The following MMD2 variants were observed in gnomAD, a reference collection of about 807,000 sequenced individuals.
The protein encoded by MMD2 is monocyte to macrophage differentiation associated 2, also known as monocyte to macrophage differentiation factor 2.
Under a neutral mutation model 33.5 loss-of-function variants are expected in MMD2, and 30 were observed. The observed-to-expected ratio is 0.90, with a 90% CI of 0.67 to 1.22. The LOEUF (loss-of-function observed/expected upper bound fraction) is 1.22, where lower values mean the gene tolerates loss of function less well. Ranked by LOEUF, MMD2 falls within the 50% of genes most tolerant of loss-of-function variation. The pLI is 0.00. For missense variants in MMD2, 364 were observed against 325.4 expected, an observed-to-expected ratio of 1.12 and a Z score of -0.91; for synonymous variants, 129 against 123.0, an observed-to-expected ratio of 1.05 and a Z score of -0.32.
chr7:4,909,907 A>T lies in MMD2; in HGVS notation c.511T>A (p.Phe171Ile). The change falls in exon 6 of 7, where the codon TTC becomes ATC. Residue 171 changes from phenylalanine to isoleucine, a missense_variant. Phe to Ile is a conservative substitution (Grantham distance 21). Transcript: ENST00000401401. ...ELLCYVVMGF[F>I]PALVILSMPN... ...ATGGAGAGGATGACCAGGGCGGGGAAGAAGCCCATTACGACGTAGCAGAGA... is the reference window on the plus strand; with the variant it reads ...ATGGAGAGGATGACCAGGGCGGGGATGAAGCCCATTACGACGTAGCAGAGA... 6.2e-7 allele frequency: 1 copy of T among 1,613,896 alleles called. No homozygotes were observed. The highest frequency in any genetic ancestry group is 8.5e-7 in the Non-Finnish European group (1 of 1,179,852).
At chr7:4,902,557 C>A (rs1784808992), downstream of MMD2, among the ~76,000 whole-genome samples, 1 of 152,180 alleles carries the variant, frequency 6.6e-6, no homozygotes, top group Admixed American at 6.5e-5. Context: ...GACTGGCACC[C>A]CGGAGGAGAC....
At chr7:4,955,080 T>G (rs1786347598) in intron 1 of MMD2, among the ~76,000 whole-genome samples, 1 of 152,194 alleles carries the variant, frequency 6.6e-6, no homozygotes, top group Admixed American at 6.6e-5. Flanking sequence ...GTTCTCAATC[T>G]CCTGGCCTCA....
In MMD2 at chr7:4,940,875, T is replaced by A. The variant is rs1432440257; in HGVS notation, c.48-15343A>T. On this transcript the variant is annotated intron_variant, in intron 1 of 6. Transcript: ENST00000401401. The surrounding 1 kb of genome is among the most constrained non-coding windows in gnomAD (Gnocchi z 5.0). ...GTGAACGGCCCCCTGGGCCTGGGGG[T>A]ACTGACCCGACAGATCTGAGACCAG... is the stretch of plus-strand genomic sequence containing the variant. Among the ~76,000 whole-genome samples, 1 of 151,938 alleles carries A rather than the reference T, an allele frequency of 6.6e-6. No homozygotes were observed. Among genetic ancestry groups the A allele is most frequent in the Non-Finnish European group, 1.5e-5 (1 of 67,986 alleles).
At chr7:4,903,012 C>A (rs1168192089), downstream of MMD2, among the ~76,000 whole-genome samples, 1 of 152,144 alleles carries the variant, frequency 6.6e-6, no homozygotes, top group Non-Finnish European at 1.5e-5. Flanking sequence ...CCGAGGCGGG[C>A]AGATCACTTG....
chr7:4,925,316 G>GC, intron 2 of MMD2, 135 bp downstream of exon 2: 1 of 405,654 alleles, frequency 2.5e-6, no homozygotes, highest in Non-Finnish European at 3.9e-6. Context: ...AGACGCCACA[G>GC]TGGCCTTCCC....
the MMD2 span, among the ~76,000 whole-genome samples, chr7:4,899,367 A>G: frequency 2.0e-5 from 3 of 152,112 alleles, no homozygotes; most frequent in East Asian, 5.8e-4. Context: ...TCAGTAAACT[A>G]CAATCACTGT....
At chr7:4,895,146 C>T in the MMD2 span, among the ~76,000 whole-genome samples, 14 of 151,036 alleles carry the variant, frequency 9.3e-5, no homozygotes, top group East Asian at 2.0e-4. Context: ...GGCCCAATCT[C>T]GGCTCACTGC....
the MMD2 span, among the ~76,000 whole-genome samples, chr7:4,896,967 C>A: frequency 6.6e-6 from 1 of 152,028 alleles, no homozygotes; most frequent in African/African-American, 2.4e-5. Flanking sequence ...TCAAGTGATT[C>A]TCCTGCCTCA....
intron 1 of MMD2, among the ~76,000 whole-genome samples, chr7:4,937,621 G>A (rs928312985): frequency 2.6e-5 from 4 of 152,092 alleles, no homozygotes; most frequent in Non-Finnish European, 5.9e-5. Context: ...CGATGTTCCT[G>A]CTTCAGCCTG....
Position 4,942,284 on chromosome 7 carries a change from TG to T in MMD2, c.47+16686del, listed in dbSNP as rs369853036. ...TTTATTTTTATTTTTTCTGTAGAGATGGGGGGGGTCTTGCCATGTTGCCCAG... is the reference window on the plus strand; with the variant it reads ...TTTATTTTTATTTTTTCTGTAGAGATGGGGGGGTCTTGCCATGTTGCCCAG... On this transcript the variant is annotated intron_variant, in intron 1 of 6. Coordinates refer to ENST00000401401, the MANE Select transcript of MMD2 (RefSeq NM_198403.4). 1.0e-4 allele frequency among the ~76,000 whole-genome samples: 15 copies of T among 149,060 alleles called. No homozygotes were observed. The South Asian group carries it at 2.3e-3, about 23-fold the overall frequency.
At chr7:4,921,669 G>A (rs999062793) in intron 2 of MMD2, among the ~76,000 whole-genome samples, 8 of 149,618 alleles carry the variant, frequency 5.3e-5, no homozygotes, top group African/African-American at 9.8e-5. Flanking sequence ...AGCCCCTACC[G>A]TGTGCATCCT....
downstream of MMD2, among the ~76,000 whole-genome samples, chr7:4,905,235 G>C (rs148533729): frequency 2.8e-4 from 42 of 151,326 alleles, no homozygotes; most frequent in African/African-American, 9.5e-4. The surrounding 1 kb of genome is among the most constrained non-coding windows in gnomAD (Gnocchi z 5.0). Context: ...TAGAAGAAAA[G>C]AAGAAGGAGA....
At chr7:4,919,149 T>C (rs1461191349) in intron 3 of MMD2, among the ~76,000 whole-genome samples, 2 of 151,942 alleles carry the variant, frequency 1.3e-5, no homozygotes, top group African/African-American at 2.4e-5. Context: ...AGTGCCTGCA[T>C]TGCAGAATTA....
At chr7:4,895,688 C>G in the MMD2 span, among the ~76,000 whole-genome samples, 2 of 152,108 alleles carry the variant, frequency 1.3e-5, no homozygotes, top group African/African-American at 4.8e-5. Flanking sequence ...AGGCGCGCAC[C>G]ACCACATCTG....
chr7:4,947,547 C>T (rs965928606), intron 1 of MMD2, among the ~76,000 whole-genome samples: 1 of 150,614 alleles, frequency 6.6e-6, no homozygotes, highest in African/African-American at 2.4e-5. Context: ...GCGCATGCCT[C>T]CAGGCCCAGC....
At chr7:4,939,726 A>C (rs1399718903) in intron 1 of MMD2, among the ~76,000 whole-genome samples, 1 of 148,060 alleles carries the variant, frequency 6.8e-6, no homozygotes, top group Non-Finnish European at 1.5e-5. Context: ...CTTCCAATCT[A>C]TTTCTTTCTT....
chr7:4,931,401 C>A (rs1361428073), intron 1 of MMD2, among the ~76,000 whole-genome samples: 1 of 151,850 alleles, frequency 6.6e-6, no homozygotes, highest in Non-Finnish European at 1.5e-5. Context: ...AATCCTCCCA[C>A]CTCAGCCTCC....
chr7:4,899,271 G>A, the MMD2 span, among the ~76,000 whole-genome samples: 1 of 152,124 alleles, frequency 6.6e-6, no homozygotes, highest in African/African-American at 2.4e-5. Flanking sequence ...ATGGTATTTT[G>A]TTATAGCAGC....
the MMD2 span, among the ~76,000 whole-genome samples, chr7:4,896,925 T>G: frequency 6.6e-6 from 1 of 152,182 alleles, no homozygotes; most frequent in East Asian, 1.9e-4. Flanking sequence ...AGTGGCCCAG[T>G]CTCAGCTCAC....
Sources: allele counts gnomAD v4.1 joint callset (sites outside exome capture counted in the v4.1 genomes callset), GRCh38; gene constraint gnomAD v4.1.1; non-coding constraint Gnocchi (gnomAD v3.1); transcripts MANE v1.5; gene names NCBI Gene and HGNC (gene_info 2026-07-23, HGNC 2026-07-21).